The following CETP variants were observed in gnomAD, a reference collection of about 807,000 sequenced individuals.
The protein encoded by CETP is cholesteryl ester transfer protein.
In CETP, 56 loss-of-function variants were observed where a neutral mutation model predicts 66.5. That is an observed-to-expected ratio of 0.84 (90% confidence interval 0.68 to 1.05). The LOEUF is 1.05. CETP is among the 50% of genes least tolerant of loss of function. The probability of loss-of-function intolerance (pLI) is 0.00; values close to 1 mark genes in which losing one functional copy is unlikely to be tolerated. For missense variants in CETP, 612 were observed against 609.6 expected (o/e 1.00, Z -0.04); for synonymous variants, 251 against 245.7 (o/e 1.02, Z -0.20).
intron 1 of CETP, among the ~76,000 whole-genome samples, chr16:56,962,659 C>T (rs1240292144): frequency 6.6e-6 from 1 of 152,158 alleles, no homozygotes; most frequent in Non-Finnish European, 1.5e-5. Context: ...GAATTATAGA[C>T]CCCCAGGACT....
chr16:56,972,326 C>A (rs1436609664), intron 8 of CETP, among the ~76,000 whole-genome samples: 1 of 152,230 alleles, frequency 6.6e-6, no homozygotes, highest in Admixed American at 6.5e-5. Flanking sequence ...CCCAGCAAAG[C>A]ACCAGCTCCT....
chr16:56,978,718 T>C (rs1162936312), intron 11 of CETP, among the ~76,000 whole-genome samples: 3 of 152,210 alleles, frequency 2.0e-5, no homozygotes, highest in Admixed American at 6.5e-5. Flanking sequence ...ACTCCTGGCC[T>C]CAAGCAATTC....
At chr16:56,975,448 C>T (rs1429458915) in intron 10 of CETP, among the ~76,000 whole-genome samples, 4 of 152,196 alleles carry the variant, frequency 2.6e-5, no homozygotes, top group Non-Finnish European at 5.9e-5. Context: ...GATAAGGCTC[C>T]ATTCCCTGCT....
intron 9 of CETP, 78 bp from the exon 10 acceptor site, chr16:56,975,023 C>A: frequency 7.6e-7 from 1 of 1,315,238 alleles, no homozygotes; most frequent in East Asian, 2.3e-5. Context: ...CTTGAAACTG[C>A]CCTTGGTCCC....
rs1244109861 is a variant in CETP, at chr16:56,969,650, T to G, written c.408T>G (p.Ser136=). The change falls in exon 4 of 16, where the codon TCT becomes TCG. Residue 136 remains serine, a synonymous_variant. Transcript: ENST00000200676. The part of the protein sequence containing the change: ...IDQSIDFEID[S]AIDLQINTQL... ...AGTCCATTGACTTCGAGATCGACTC[T>G]GCCATTGACCTCCAGATCAACACAC... is the stretch of plus-strand genomic sequence containing the variant. 2 of 1,614,072 alleles carry G rather than the reference T, an allele frequency of 1.2e-6. No homozygotes were observed. Among genetic ancestry groups the G allele is most frequent in the Non-Finnish European group, 1.7e-6 (2 of 1,180,028 alleles).
intron 5 of CETP, 29 bp downstream of exon 5, chr16:56,970,030 C>T (rs746250474): frequency 1.9e-5 from 31 of 1,594,888 alleles, no homozygotes; most frequent in Non-Finnish European, 2.5e-5. Context: ...GGCCCCCATT[C>T]CTGCTCGTGC....
chr16:56,979,082 C>T (rs1210549703), intron 11 of CETP, among the ~76,000 whole-genome samples: 2 of 152,230 alleles, frequency 1.3e-5, no homozygotes, highest in African/African-American at 4.8e-5. Context: ...CCGCCTCAGC[C>T]TCCCAAAGTG....
At chr16:56,969,103 G>A (rs576518508) in intron 2 of CETP, among the ~76,000 whole-genome samples, 187 of 151,394 alleles carry the variant, frequency 1.2e-3, no homozygotes, top group African/African-American at 9.7e-4. Context: ...TCCACTTTTC[G>A]GTACCCTGTG....
In CETP at chr16:56,971,988, G is replaced by A. The variant is rs1254204552; in HGVS notation, c.659-4G>A. 2 of 1,613,852 alleles carry A rather than the reference G, an allele frequency of 1.2e-6. No individual in the cohort carries two copies. Among genetic ancestry groups the A allele is most frequent in the South Asian group, 2.2e-5 (2 of 91,078 alleles). On this transcript the variant is annotated splice_region_variant and splice_polypyrimidine_tract_variant and intron_variant, in intron 7 of 15. Transcript: ENST00000200676. ...GGCCCTGCGTTGATCTTTTCCTCCT[G>A]CAGCCAGCATCCTTTCAGATGGAGA...
At chr16:56,965,148 T>C (rs2056057185) in intron 2 of CETP, among the ~76,000 whole-genome samples, 1 of 152,190 alleles carries the variant, frequency 6.6e-6, no homozygotes, top group Non-Finnish European at 1.5e-5. Flanking sequence ...AGGTCAGACA[T>C]GGCAAAAGCG....
chr16:56,978,242 A>G lies in CETP; in HGVS notation c.1133A>G (p.Tyr378Cys), dbSNP rs36122917. ...PRPDQQHSVA[Y>C]TFEEDIVTTV... ...CCAGACCAGCAACATTCTGTAGCTT[A>G]CACATTTGAAGAGGTGAGGCGGGTG... The change falls in exon 11 of 16, where the codon TAC becomes TGC. Residue 378 changes from tyrosine (Y) to cysteine (C), a missense_variant. Tyr to Cys is a radical substitution (Grantham distance 194). Transcript: ENST00000200676. 69 of 1,614,020 alleles carry G rather than the reference A, an allele frequency of 4.3e-5. No homozygotes were observed. Among genetic ancestry groups the G allele is most frequent in the Non-Finnish European group, 5.1e-5 (60 of 1,180,018 alleles).
At chr16:56,977,130 T>G (rs1481520024) in intron 10 of CETP, among the ~76,000 whole-genome samples, 1 of 152,006 alleles carries the variant, frequency 6.6e-6, no homozygotes, top group African/African-American at 2.4e-5. Flanking sequence ...AGGCTGGTCT[T>G]GACCTCCTGA....
In CETP at chr16:56,963,058, G is replaced by A; in HGVS notation, c.167G>A (p.Ser56Asn). 6.2e-7 allele frequency: 1 copy of A among 1,614,190 alleles called. No homozygotes were observed. The highest frequency in any genetic ancestry group is 1.1e-5 in the South Asian group (1 of 91,088). The change falls in exon 2 of 16, where the codon AGC becomes AAC. Residue 56 changes from serine to asparagine, a missense_variant. Coordinates refer to ENST00000200676, the MANE Select transcript of CETP (RefSeq NM_000078.3). ...ATCCAGACCGCCTTCCAGCGAGCCA[G>A]CTACCCAGATATCACGGGCGAGAAG... is the stretch of plus-strand genomic sequence containing the variant. ...KVIQTAFQRA[S>N]YPDITGEKAM...
At chr16:56,980,400 G>A (rs2056179311) in intron 11 of CETP, among the ~76,000 whole-genome samples, 1 of 152,084 alleles carries the variant, frequency 6.6e-6, no homozygotes, top group African/African-American at 2.4e-5. Flanking sequence ...TCAAATCCCT[G>A]GGCTCAAGTG....
In CETP at chr16:56,973,335, A is replaced by G. The variant is rs375348327; in HGVS notation, c.755A>G (p.His252Arg). 2 of 1,614,016 alleles carry G rather than the reference A, an allele frequency of 1.2e-6. No homozygotes were observed. The highest frequency in any genetic ancestry group is 2.7e-5 in the African/African-American group (2 of 74,914). ...ASYLESHHKG[H>R]FIYKNVSEDL... Reference sequence around the variant, plus strand: ...CAGCGTCCTGGCTTCCTCCAGGGTCATTTCATCTACAAGAATGTCTCAGAG... The same window carrying G: ...CAGCGTCCTGGCTTCCTCCAGGGTCGTTTCATCTACAAGAATGTCTCAGAG... Residue 252 changes from histidine to arginine, a missense_variant, in exon 9 of 16, where the codon CAT becomes CGT. Coordinates refer to ENST00000200676, the MANE Select transcript of CETP (RefSeq NM_000078.3).
intron 14 of CETP, 89 bp downstream of exon 14, chr16:56,982,326 G>T: frequency 7.9e-7 from 1 of 1,259,482 alleles, no homozygotes; most frequent in Non-Finnish European, 1.2e-6. Context: ...AGAGCTTCAG[G>T]TGCCCCTCTT....
At position 56,979,238 on chromosome 16, in the gene CETP, T is replaced by C. The variant is rs538864930; in HGVS notation, c.1146+983T>C. On this transcript the variant is annotated intron_variant, in intron 11 of 15. Transcript: ENST00000200676. ...TCCAAATTCAGAACTTCTGTGAATTTGTAAAAGTAGTATAGTGTATAGACA... is the reference window on the plus strand; with the variant it reads ...TCCAAATTCAGAACTTCTGTGAATTCGTAAAAGTAGTATAGTGTATAGACA... 2.0e-5 allele frequency among the ~76,000 whole-genome samples: 3 copies of C among 152,322 alleles called. No individual in the cohort carries two copies. The East Asian group carries it at 5.8e-4, about 29-fold the overall frequency.
At chr16:56,962,337 G>A in intron 1 of CETP, 1 of 719,062 alleles carries the variant, frequency 1.4e-6, no homozygotes, top group South Asian at 1.4e-5. Context: ...CCAGGTATAG[G>A]GATTTGTGTT....
intron 1 of CETP, chr16:56,962,509 G>C (rs1304442989): frequency 2.5e-6 from 1 of 406,554 alleles, no homozygotes; most frequent in Non-Finnish European, 4.8e-6. Context: ...GGTGACGGAG[G>C]CTCCATCACT....
Sources: gnomAD v4.1 joint callset for allele counts (sites outside exome capture counted in the v4.1 genomes callset) on GRCh38, gnomAD v4.1.1 for gene constraint, MANE v1.5 for transcripts, NCBI Gene and HGNC (gene_info 2026-07-23, HGNC 2026-07-21) for gene names.